The following ACTR10 variants were observed in gnomAD, a reference collection of about 807,000 sequenced individuals.
ACTR10 encodes actin-related protein 10.
In ACTR10, 43 loss-of-function variants were observed where a neutral mutation model predicts 56.2. The observed-to-expected ratio is 0.77, with a 90% confidence interval of 0.60 to 0.99. The LOEUF is 0.99. ACTR10 is among the 50% of genes least tolerant of loss of function. The pLI is 0.00. For missense variants in ACTR10, 466 were observed against 507.8 expected, an observed-to-expected ratio of 0.92 and a Z score of 0.79; for synonymous variants, 170 against 176.3, an observed-to-expected ratio of 0.96 and a Z score of 0.28.
chr14:58,229,636 C>T (rs1259319261), intron 10 of ACTR10, among the ~76,000 whole-genome samples: 2 of 150,196 alleles, frequency 1.3e-5, no homozygotes, highest in African/African-American at 4.9e-5. Flanking sequence ...CGAGATCACG[C>T]CACTGCACTC....
intron 1 of ACTR10, among the ~76,000 whole-genome samples, chr14:58,202,220 T>A (rs1888728364): frequency 6.6e-6 from 1 of 152,040 alleles, no homozygotes; most frequent in South Asian, 2.1e-4. Flanking sequence ...ATGAATGAAG[T>A]CACATAATGT....
intron 10 of ACTR10, 40 bp from the exon 11 acceptor site, chr14:58,230,359 G>A (rs1410352821): frequency 1.1e-5 from 13 of 1,186,266 alleles, no homozygotes; most frequent in African/African-American, 1.6e-5. Flanking sequence ...ATTATAATAC[G>A]TGACACCAAC....
In ACTR10 at chr14:58,234,484, A is replaced by G; in HGVS notation, c.1187A>G (p.Glu396Gly). 6.2e-7 allele frequency: 1 copy of G among 1,613,806 alleles called. No individual in the cohort carries two copies. The highest frequency in any genetic ancestry group is 8.5e-7 in the Non-Finnish European group (1 of 1,179,818). Residue 396 changes from glutamate to glycine, a missense_variant, in exon 13 of 13, where the codon GAA becomes GGA. Physicochemically the swap from Glu to Gly is moderately conservative, Grantham distance 98. Coordinates refer to ENST00000254286, the MANE Select transcript of ACTR10 (RefSeq NM_018477.3). Reference protein sequence around the residue: ...DWCSLNNPPLEMMFDVGKTQP... With the variant: ...DWCSLNNPPLGMMFDVGKTQP... ...TGTTCTCTCAATAACCCACCTTTGG[A>G]AATGATGTTTGATGTCGGGAAAACT... is the stretch of plus-strand genomic sequence containing the variant.
chr14:58,229,677 C>CAA lies in ACTR10; in HGVS notation c.789-706_789-705dup, dbSNP rs34465995. Among the ~76,000 whole-genome samples the CAA allele has an allele frequency of 7.9e-3, 840 of 106,924 alleles. 9 individuals are homozygous for CAA. Among genetic ancestry groups the CAA allele is most frequent in the African/African-American group, 9.1e-3 (284 of 31,084 alleles). 70.1% of individuals were successfully genotyped at this position (106,924 alleles called of 152,430 possible). ...GGGGCAACAGAGCAAGACTCTGTAT[C>CAA]AAAAAAAAAAAAAAAAAGAATAGAT... On this transcript the variant is annotated intron_variant, in intron 10 of 12. Coordinates refer to ENST00000254286, the MANE Select transcript of ACTR10 (RefSeq NM_018477.3).
At position 58,215,298 on chromosome 14, in the gene ACTR10, AAGTGGTTTAGG is replaced by A. The variant is rs1889107943; in HGVS notation, c.598+24_598+34del. 1 of 1,583,544 alleles carries A rather than the reference AAGTGGTTTAGG, an allele frequency of 6.3e-7. No individual in the cohort carries two copies. The highest frequency in any genetic ancestry group is 1.3e-5 in the African/African-American group (1 of 74,134). The stretch of plus-strand genomic sequence containing the variant: ...CCTCAGTGATGGGTAAATTCATTTT[AAGTGGTTTAGG>A]AGTGGTTTACACTCTCTTTTTGTTC... On this transcript the variant is annotated intron_variant, in intron 7 of 12. Transcript: ENST00000254286.
Position 58,234,682 on chromosome 14 carries a change from T to C in ACTR10, c.*131T>C, listed in dbSNP as rs1171434041. On this transcript the variant is annotated 3_prime_UTR_variant, in exon 13 of 13. Coordinates refer to ENST00000254286, the MANE Select transcript of ACTR10 (RefSeq NM_018477.3). ...GTGAAAGCATTCTGTGTTTACTCTTTGCATTAATATATAATTCTTTTGACT... is the reference window on the plus strand; with the variant it reads ...GTGAAAGCATTCTGTGTTTACTCTTCGCATTAATATATAATTCTTTTGACT... 1 of 750,888 alleles carries C rather than the reference T, an allele frequency of 1.3e-6. No individual in the cohort carries two copies. Among genetic ancestry groups the C allele is most frequent in the African/African-American group, 1.8e-5 (1 of 56,248 alleles). 46.5% of individuals were successfully genotyped at this position (750,888 alleles called of 1,614,324 possible).
chr14:58,214,319 C>T (rs1566625430), intron 6 of ACTR10, among the ~76,000 whole-genome samples: 1 of 152,020 alleles, frequency 6.6e-6, no homozygotes, highest in Non-Finnish European at 1.5e-5. Flanking sequence ...TCTCCAGTTC[C>T]ATCAATGTTG....
chr14:58,234,355 A>T lies in ACTR10; in HGVS notation c.1073-15A>T, dbSNP rs1370889233. 6.5e-7 allele frequency: 1 copy of T among 1,527,180 alleles called. No individual in the cohort carries two copies. Among genetic ancestry groups the T allele is most frequent in the African/African-American group, 1.4e-5 (1 of 72,172 alleles). The allele number at this position is 1,527,180 out of a possible 1,614,324, so 94.6% of individuals were successfully genotyped here. Reference sequence around the variant, plus strand: ...AGTTTTCATCTTAGCTATAAAAAATATTTTTGTCACACAGGGGCTATTTTT... The same window carrying T: ...AGTTTTCATCTTAGCTATAAAAAATTTTTTTGTCACACAGGGGCTATTTTT... On this transcript the variant is annotated splice_polypyrimidine_tract_variant and intron_variant, in intron 12 of 12. Coordinates refer to ENST00000254286, the MANE Select transcript of ACTR10 (RefSeq NM_018477.3).
At chr14:58,203,706 C>T (rs1182247515) in intron 2 of ACTR10, among the ~76,000 whole-genome samples, 1 of 152,080 alleles carries the variant, frequency 6.6e-6, no homozygotes, top group African/African-American at 2.4e-5. Flanking sequence ...CCCTTATTTA[C>T]AGTTTCAAAA....
Sources: gnomAD v4.1 joint callset for allele counts (sites outside exome capture counted in the v4.1 genomes callset) on GRCh38, gnomAD v4.1.1 for gene constraint, MANE v1.5 for transcripts, NCBI Gene and HGNC (gene_info 2026-07-23, HGNC 2026-07-21) for gene names.